RABL3: variants seen among roughly 807,000 people sequenced by gnomAD.
RABL3 encodes rab-like protein 3.
Under a neutral mutation model 31.8 loss-of-function variants are expected in RABL3, and 31 were observed. The ratio of observed to expected loss-of-function variants is 0.97; its 90% CI spans 0.73 to 1.31. RABL3 has a LOEUF of 1.31. Among genes scored for constraint, RABL3 ranks in the 40% most tolerant of loss-of-function variants. The pLI, the probability that RABL3 is intolerant of heterozygous loss-of-function variation, is 0.00. For missense variants in RABL3, 263 were observed against 279.6 expected (o/e 0.94, Z 0.42); for synonymous variants, 97 against 99.9 (o/e 0.97, Z 0.18).
chr3:120,690,035 A>G, intron 7 of RABL3, 147 bp from the exon 8 acceptor site: 1 of 614,096 alleles, frequency 1.6e-6, no homozygotes, highest in Non-Finnish European at 2.9e-6. Flanking sequence ...AGAAAACCAC[A>G]GATTAAATAA....
intron 5 of RABL3, among the ~76,000 whole-genome samples, chr3:120,695,598 C>T (rs1220832253): frequency 6.6e-6 from 1 of 152,100 alleles, no homozygotes; most frequent in East Asian, 1.9e-4. Flanking sequence ...ACAACAAGCA[C>T]TTACCACAAT....
chr3:120,724,120 T>C (rs1308362241), intron 2 of RABL3, among the ~76,000 whole-genome samples: 2 of 152,174 alleles, frequency 1.3e-5, no homozygotes, highest in Non-Finnish European at 2.9e-5. Flanking sequence ...ACAAAATCAA[T>C]GTGCAAAAAT....
intron 2 of RABL3, among the ~76,000 whole-genome samples, chr3:120,718,493 A>C (rs1708696698): frequency 6.6e-6 from 1 of 152,202 alleles, no homozygotes; most frequent in Non-Finnish European, 1.5e-5. Context: ...GTCATTAAAC[A>C]CTTTGATATC....
intron 3 of RABL3, among the ~76,000 whole-genome samples, chr3:120,709,017 T>G (rs891340245): frequency 2.0e-5 from 3 of 152,010 alleles, no homozygotes; most frequent in African/African-American, 7.2e-5. Flanking sequence ...AAGCACAGCA[T>G]AAATGAAGTC....
intron 1 of RABL3, among the ~76,000 whole-genome samples, chr3:120,734,035 C>T (rs1057009933): frequency 2.1e-4 from 32 of 152,116 alleles, no homozygotes; most frequent in East Asian, 5.8e-4. Flanking sequence ...GAAATGTGGG[C>T]GCTTTTTTGG....
intron 2 of RABL3, among the ~76,000 whole-genome samples, chr3:120,719,324 T>C (rs1419318114): frequency 3.9e-5 from 6 of 152,150 alleles, no homozygotes; most frequent in Admixed American, 3.9e-4. Flanking sequence ...ACTGGGTTCA[T>C]CTCACTGGGG....
At position 120,687,404 on chromosome 3, in the gene RABL3, T is replaced by G. The variant is rs1416816960; in HGVS notation, c.*2419A>C. The G allele has an allele frequency of 2.0e-5, 3 of 152,202 alleles. No homozygotes were observed. The highest frequency in any genetic ancestry group is 3.2e-3 in the Middle Eastern group (1 of 316). 9.4% of individuals were successfully genotyped at this position (152,202 alleles called of 1,614,324 possible). On this transcript the variant is annotated 3_prime_UTR_variant, in exon 8 of 8. Coordinates refer to ENST00000273375, the MANE Select transcript of RABL3 (RefSeq NM_173825.5). ...CTCAAGTGATCCTCCTGCCTCAGTC[T>G]CCTAGAGTGCTGGGATTATAGGCGT...
At chr3:120,714,342 T>A (rs1461563549) in intron 2 of RABL3, among the ~76,000 whole-genome samples, 1 of 152,200 alleles carries the variant, frequency 6.6e-6, no homozygotes, top group East Asian at 1.9e-4. Flanking sequence ...GAAATTAATT[T>A]ATCTCATTCA....
At chr3:120,709,330 A>C (rs1708585851) in intron 3 of RABL3, among the ~76,000 whole-genome samples, 1 of 151,920 alleles carries the variant, frequency 6.6e-6, no homozygotes, top group Non-Finnish European at 1.5e-5. Context: ...CCCCTTAAGC[A>C]GCTCTTTATA....
At chr3:120,703,761 T>G (rs994466991) in intron 4 of RABL3, among the ~76,000 whole-genome samples, 1 of 151,806 alleles carries the variant, frequency 6.6e-6, no homozygotes, top group Admixed American at 6.6e-5. Context: ...AAAAGGACAA[T>G]AAACAAATAC....
intron 1 of RABL3, among the ~76,000 whole-genome samples, chr3:120,735,835 T>G (rs909900081): frequency 6.6e-6 from 1 of 152,150 alleles, no homozygotes; most frequent in African/African-American, 2.4e-5. Context: ...GTTGTTCAGT[T>G]TCCATGCAGT....
At chr3:120,739,533 A>G (rs76392912) in intron 1 of RABL3, among the ~76,000 whole-genome samples, 2,778 of 152,254 alleles carry the variant, frequency 0.018, 92 homozygotes, top group African/African-American at 0.064. Flanking sequence ...TTTATCTACC[A>G]GGTTTTAGTG....
At chr3:120,699,083 AT>A in intron 4 of RABL3, among the ~76,000 whole-genome samples, 1 of 152,234 alleles carries the variant, frequency 6.6e-6, no homozygotes, top group East Asian at 1.9e-4. Context: ...TACAATACAC[AT>A]TTCTGTCTGA....
chr3:120,719,567 C>T (rs931384246), intron 2 of RABL3, among the ~76,000 whole-genome samples: 3 of 152,326 alleles, frequency 2.0e-5, no homozygotes, highest in South Asian at 4.1e-4. Flanking sequence ...GCTCCTGGCT[C>T]GAAGGGTCCT....
At chr3:120,700,261 T>C (rs1347116748) in intron 4 of RABL3, among the ~76,000 whole-genome samples, 1 of 152,122 alleles carries the variant, frequency 6.6e-6, no homozygotes, top group Non-Finnish European at 1.5e-5. Context: ...ATTATATGCA[T>C]AATACTGGGT....
At chr3:120,700,808 T>C (rs1325589139) in intron 4 of RABL3, among the ~76,000 whole-genome samples, 5 of 152,122 alleles carry the variant, frequency 3.3e-5, no homozygotes, top group Non-Finnish European at 2.9e-5. Flanking sequence ...ATGTTGATAA[T>C]TGTTGAAACT....
chr3:120,693,779 A>G (rs1708406132), intron 6 of RABL3, among the ~76,000 whole-genome samples: 3 of 152,230 alleles, frequency 2.0e-5, no homozygotes, highest in African/African-American at 7.2e-5. Flanking sequence ...TAGGAGAGCA[A>G]AAAGAACTCA....
intron 2 of RABL3, among the ~76,000 whole-genome samples, chr3:120,719,124 A>C (rs550218914): frequency 3.0e-4 from 45 of 152,390 alleles, no homozygotes; most frequent in African/African-American, 1.1e-3. Context: ...ACACATATTT[A>C]GAACACTGCA....
chr3:120,718,742 C>G (rs1301496967), intron 2 of RABL3, among the ~76,000 whole-genome samples: 1 of 152,164 alleles, frequency 6.6e-6, no homozygotes, highest in African/African-American at 2.4e-5. Flanking sequence ...TATTAGGACA[C>G]AGAAAGATGA....
Sources: gnomAD v4.1 joint callset for allele counts (sites outside exome capture counted in the v4.1 genomes callset) on GRCh38, gnomAD v4.1.1 for gene constraint, MANE v1.5 for transcripts, NCBI Gene and HGNC (gene_info 2026-07-23, HGNC 2026-07-21) for gene names.